Variants in MYH9 observed in about 807,000 individuals in gnomAD.
The protein encoded by MYH9 is myosin heavy chain 9, also known as myosin-9.
MYH9 carries 29 observed loss-of-function variants against 241.9 expected under a neutral mutation model. That is an observed-to-expected ratio of 0.12 (90% confidence interval 0.09 to 0.16). MYH9 has a LOEUF of 0.16. Ranked by LOEUF, MYH9 falls within the 10% of genes least tolerant of loss-of-function variation. The probability of loss-of-function intolerance (pLI) is 1.00; values close to 1 mark genes in which losing one functional copy is unlikely to be tolerated. For synonymous variants in MYH9, 1,047 were observed against 1,062.6 expected (o/e 0.99, Z 0.29); for missense variants, 1,803 against 2,595.5 (o/e 0.69, Z 6.63).
chr22:36,316,324 G>A (rs1167801163), intron 12 of MYH9, among the ~76,000 whole-genome samples, 193 bp downstream of exon 12: 4 of 150,306 alleles, frequency 2.7e-5, no homozygotes, highest in Non-Finnish European at 4.4e-5. Context: ...ATGAGCTACC[G>A]TGCCCAGCCG....
rs750091087 is a variant in MYH9 at position 36,309,299 on chromosome 22, G to A, written c.1826C>T (p.Ser609Leu). ...LLHQSSDKFV[S>L]ELWKDVDRII... ...GGGCGTACCATCCTTCCACAGCTCC[G>A]AGACAAACTTGTCAGAGGACTGGTG... The change falls in exon 15 of 41, where the codon TCG becomes TTG. Residue 609 changes from serine to leucine, a missense_variant. Coordinates refer to ENST00000216181, the MANE Select transcript of MYH9 (RefSeq NM_002473.6). The A allele has an allele frequency of 1.3e-5, 21 of 1,614,114 alleles. No individual in the cohort carries two copies. The highest frequency in any genetic ancestry group is 8.0e-5 in the African/African-American group (6 of 75,032).
At chr22:36,322,061 A>G in intron 6 of MYH9, 1 of 593,976 alleles carries the variant, frequency 1.7e-6, no homozygotes, top group South Asian at 1.9e-5. Flanking sequence ...TCCCACACCC[A>G]GGTTCCTCCG....
rs2016499571 is a variant in MYH9 at position 36,282,110 on chromosome 22, G to A, written c.*558C>T. ...AGCCTTCTGTGCCCTGCACAGAGGT[G>A]GAGGCCCAGGGCCTGCTCCTTCTGG... On this transcript the variant is annotated 3_prime_UTR_variant, in exon 41 of 41. Coordinates refer to ENST00000216181, the MANE Select transcript of MYH9 (RefSeq NM_002473.6). 4.0e-6 allele frequency: 1 copy of A among 252,044 alleles called. No individual in the cohort carries two copies. Among genetic ancestry groups the A allele is most frequent in the South Asian group, 1.1e-4 (1 of 8,728 alleles). 15.6% of individuals were successfully genotyped at this position (252,044 alleles called of 1,614,324 possible).
intron 2 of MYH9, among the ~76,000 whole-genome samples, chr22:36,344,245 C>T (rs773117606): frequency 9.2e-5 from 14 of 152,384 alleles, no homozygotes; most frequent in East Asian, 3.9e-4. Flanking sequence ...CACGACACGG[C>T]GCTGCTCCAT....
chr22:36,296,704 G>T, intron 25 of MYH9, 139 bp downstream of exon 25: 1 of 989,594 alleles, frequency 1.0e-6, no homozygotes, highest in Non-Finnish European at 1.4e-6. Flanking sequence ...GAACTGTTTT[G>T]CTATGAAATA....
intron 1 of MYH9, among the ~76,000 whole-genome samples, chr22:36,386,168 C>G (rs537312306): frequency 6.6e-6 from 1 of 152,180 alleles, no homozygotes; most frequent in Admixed American, 6.5e-5. Context: ...TCCGGGGTCC[C>G]TGTCATCTCT....
At position 36,322,515 on chromosome 22, in the gene MYH9, G is replaced by C. The variant is rs779158750; in HGVS notation, c.619C>G (p.Leu207Val). The C allele has an allele frequency of 6.2e-7, 1 of 1,613,634 alleles. No individual in the cohort carries two copies. The part of the protein sequence containing the change: ...SHKSKKDQGE[L>V]ERQLLQANPI... ...TTGGCCTGCAGCAGCTGCCGCTCCA[G>C]CTCGCCCTGCAAGGAACCCAGGGAC... The change falls in exon 6 of 41, where the codon CTG becomes GTG. Residue 207 changes from leucine to valine, a missense_variant. Leu to Val is a conservative substitution (Grantham distance 32). Transcript: ENST00000216181.
chr22:36,354,436 T>G (rs1252230589), intron 1 of MYH9, among the ~76,000 whole-genome samples: 1 of 149,288 alleles, frequency 6.7e-6, no homozygotes, highest in Non-Finnish European at 1.5e-5. Flanking sequence ...TACCCTCTTA[T>G]CTAGTATACC....
At chr22:36,369,468 G>A (rs1432904415) in intron 1 of MYH9, among the ~76,000 whole-genome samples, 1 of 152,238 alleles carries the variant, frequency 6.6e-6, no homozygotes, top group Admixed American at 6.5e-5. Context: ...CATGCTGGTG[G>A]GCTAGGAAGG....
At chr22:36,327,042 G>A (rs1338364495) in intron 4 of MYH9, among the ~76,000 whole-genome samples, 2 of 152,194 alleles carry the variant, frequency 1.3e-5, no homozygotes, top group African/African-American at 2.4e-5. Flanking sequence ...CTTGGCAATG[G>A]GGTTTATGGA....
chr22:36,376,837 G>A (rs982831133), intron 1 of MYH9, among the ~76,000 whole-genome samples: 2 of 152,164 alleles, frequency 1.3e-5, no homozygotes, highest in African/African-American at 2.4e-5. Flanking sequence ...GCCGAGGCAG[G>A]TGATCACCTG....
intron 31 of MYH9, among the ~76,000 whole-genome samples, chr22:36,289,544 C>T (rs2016651884): frequency 1.3e-5 from 2 of 152,248 alleles, no homozygotes; most frequent in Admixed American, 6.5e-5. Flanking sequence ...GTTTAATTTT[C>T]ATCACTTACT....
rs557637167 is a variant in MYH9 at position 36,316,333 on chromosome 22, C to T, written c.1380+184G>A. Among the ~76,000 whole-genome samples, 51 of 148,902 alleles carry T rather than the reference C, an allele frequency of 3.4e-4. No homozygotes were observed. The South Asian group carries it at 7.7e-3, about 22-fold the overall frequency. On this transcript the variant is annotated intron_variant, in intron 12 of 40. Coordinates refer to ENST00000216181, the MANE Select transcript of MYH9 (RefSeq NM_002473.6). ...ACAGGCATGAGCTACCGTGCCCAGC[C>T]GAGACCCTATCTTTTAAAAAAGAAA...
rs764219660 is a variant in MYH9, at chr22:36,314,274, C to T, written c.1425G>A (p.Lys475=). The T allele has an allele frequency of 1.2e-6, 2 of 1,614,116 alleles. No individual in the cohort carries two copies. The highest frequency in any genetic ancestry group is 1.7e-5 in the Admixed American group (1 of 60,006). Reference sequence around the variant, plus strand: ...TGGTGTGGTTGAAGAGCTGCTGCAGCTTCTCATTGGTGTAATTGATGCACA... The same window carrying T: ...TGGTGTGGTTGAAGAGCTGCTGCAGTTTCTCATTGGTGTAATTGATGCACA... ...EQLCINYTNE[K]LQQLFNHTMF... The change falls in exon 13 of 41, where the codon AAG becomes AAA. Residue 475 remains lysine (K), a synonymous_variant. Transcript: ENST00000216181.
Position 36,306,672 on chromosome 22 carries a change from T to A in MYH9, c.1844-65A>T. On this transcript the variant is annotated intron_variant, in intron 15 of 40. Coordinates refer to ENST00000216181, the MANE Select transcript of MYH9 (RefSeq NM_002473.6). This position sits in a 1 kb window ranked among gnomAD's most constrained non-coding sequence, Gnocchi z 4.1. Reference sequence around the variant, plus strand: ...TGCAGCTGGGTGGTGGGGGAGCACGTAGGAGAGAGAGACAGGCACACGTCG... The same window carrying A: ...TGCAGCTGGGTGGTGGGGGAGCACGAAGGAGAGAGAGACAGGCACACGTCG... 1 of 1,486,572 alleles carries A rather than the reference T, an allele frequency of 6.7e-7. No individual in the cohort carries two copies. Among genetic ancestry groups the A allele is most frequent in the South Asian group, 1.2e-5 (1 of 86,132 alleles). 92.1% of individuals were successfully genotyped at this position (1,486,572 alleles called of 1,614,324 possible).
At chr22:36,327,515 C>T (rs765255560) in intron 3 of MYH9, 27 bp from the exon 4 acceptor site, 3 of 1,613,720 alleles carry the variant, frequency 1.9e-6, no homozygotes, top group African/African-American at 2.7e-5. Flanking sequence ...ATCAGATTAA[C>T]TCCCGCCAGA....
In MYH9 at chr22:36,295,016, G is replaced by T; in HGVS notation, c.3546C>A (p.Thr1182=). The T allele has an allele frequency of 1.9e-6, 3 of 1,614,148 alleles. No individual in the cohort carries two copies. Among genetic ancestry groups the T allele is most frequent in the Non-Finnish European group, 1.7e-6 (2 of 1,180,028 alleles). The change falls in exon 27 of 41, where the codon ACC becomes ACA. Residue 1182 remains threonine, a synonymous_variant. Coordinates refer to ENST00000216181, the MANE Select transcript of MYH9 (RefSeq NM_002473.6). The surrounding 1 kb of genome is among the most constrained non-coding windows in gnomAD (Gnocchi z 4.1). ...TCATCTCCTGGATCTGGGCCTCGTGGGTCTTGGCCTCCTCCTCCAGGGTCT... is the reference window on the plus strand; with the variant it reads ...TCATCTCCTGGATCTGGGCCTCGTGTGTCTTGGCCTCCTCCTCCAGGGTCT... ...LKKTLEEEAK[T]HEAQIQEMRQ...
At chr22:36,311,360 C>CCCGCA (rs1190200771) in intron 14 of MYH9, among the ~76,000 whole-genome samples, 1 of 152,074 alleles carries the variant, frequency 6.6e-6, no homozygotes, top group Non-Finnish European at 1.5e-5. Flanking sequence ...GTGGCAATTC[C>CCCGCA]CCGCACCTCC....
At chr22:36,339,018 CT>C (rs1275667457) in intron 3 of MYH9, among the ~76,000 whole-genome samples, 5 of 151,890 alleles carry the variant, frequency 3.3e-5, no homozygotes, top group Admixed American at 6.6e-5. Flanking sequence ...TCTCTGCATC[CT>C]TTTTTTTGTC....
Sources: gnomAD v4.1 joint callset for allele counts (sites outside exome capture counted in the v4.1 genomes callset) on GRCh38, gnomAD v4.1.1 for gene constraint, Gnocchi (gnomAD v3.1) non-coding constraint, MANE v1.5 for transcripts, NCBI Gene and HGNC (gene_info 2026-07-23, HGNC 2026-07-21) for gene names.